ASXL1: variants seen among roughly 807,000 people sequenced by gnomAD.
ASXL1 encodes the protein polycomb group protein ASXL1.
Under a neutral mutation model 89.1 loss-of-function variants are expected in ASXL1, and 65 were observed. That is an observed-to-expected ratio of 0.73 (90% CI 0.60 to 0.90). ASXL1 has a LOEUF of 0.90. ASXL1 is among the 40% of genes least tolerant of loss of function. The probability of loss-of-function intolerance (pLI) is 0.00; values close to 1 mark genes in which losing one functional copy is unlikely to be tolerated. For missense variants in ASXL1, 1,786 were observed against 1,942.9 expected (o/e 0.92, Z 1.52); for synonymous variants, 739 against 746.9 (o/e 0.99, Z 0.17).
At chr20:32,413,284 G>A (rs2049081096) in intron 4 of ASXL1, among the ~76,000 whole-genome samples, 2 of 152,162 alleles carry the variant, frequency 1.3e-5, no homozygotes, top group Non-Finnish European at 2.9e-5. Flanking sequence ...AGGTTGGTTA[G>A]GGGACTAACA....
In ASXL1 at chr20:32,427,987, A is replaced by G. The variant is rs2011378492; in HGVS notation, c.253-141A>G. The G allele has an allele frequency of 4.2e-5, 51 of 1,227,358 alleles. 2 individuals are homozygous for G. The South Asian group carries it at 6.4e-4, about 15-fold the overall frequency. 76.0% of individuals were successfully genotyped at this position (1,227,358 alleles called of 1,614,324 possible). A position where few individuals can be genotyped will look rare whatever the true frequency, so the allele number is the denominator to read the frequency against. ...ATATTTATGAAAAGAACTTGCTGAG[A>G]AAAAGGTCAGTTAGAAAGGGTTAGG... On this transcript the variant is annotated intron_variant, in intron 4 of 12. Coordinates refer to ENST00000375687, the MANE Select transcript of ASXL1 (RefSeq NM_015338.6).
Position 32,436,160 on chromosome 20 carries a change from G to C in ASXL1, c.3448G>C (p.Gly1150Arg), listed in dbSNP as rs374632491. 1.1e-5 allele frequency: 18 copies of C among 1,614,092 alleles called. No homozygotes were observed. In the East Asian group the frequency reaches 3.3e-4, roughly 30 times the overall value. ...CCAGAGCCATGGCTCGCTACGCATG[G>C]GATCTTTACATGGTCTTGGAAAAAA... ...KDQSHGSLRM[G>R]SLHGLGKNSG... Residue 1150 changes from glycine to arginine, a missense_variant, in exon 13 of 13, where the codon GGA becomes CGA. Physicochemically the swap from Gly to Arg is moderately radical, Grantham distance 125. Coordinates refer to ENST00000375687, the MANE Select transcript of ASXL1 (RefSeq NM_015338.6).
intron 4 of ASXL1, among the ~76,000 whole-genome samples, chr20:32,401,351 A>G (rs1443318201): frequency 6.6e-6 from 1 of 152,122 alleles, no homozygotes; most frequent in Non-Finnish European, 1.5e-5. Flanking sequence ...TCCACCACCA[A>G]TCAACCAACC....
intron 3 of ASXL1, among the ~76,000 whole-genome samples, chr20:32,368,079 A>G (rs1358663746): frequency 1.3e-5 from 2 of 152,208 alleles, no homozygotes; most frequent in Admixed American, 1.3e-4. Flanking sequence ...TTAACACTGC[A>G]TAAATTAGGG....
rs1196912530 is a variant in ASXL1 at position 32,368,881 on chromosome 20, G to A, written c.144-134G>A. The stretch of plus-strand genomic sequence containing the variant: ...GTTATTCTTTTACTATTTTCACAGT[G>A]AAATTGTCATGAGATTTTTTCTTCT... On this transcript the variant is annotated intron_variant, in intron 3 of 12. Transcript: ENST00000375687. 1.1e-5 allele frequency: 7 copies of A among 660,170 alleles called. No homozygotes were observed. In the East Asian group the frequency reaches 1.9e-4, roughly 18 times the overall value. The allele number at this position is 660,170 out of a possible 1,614,324, so 40.9% of individuals were successfully genotyped here. A position where few individuals can be genotyped will look rare whatever the true frequency, so the allele number is the denominator to read the frequency against.
At chr20:32,363,410 T>G (rs980886439) in intron 1 of ASXL1, among the ~76,000 whole-genome samples, 2 of 152,214 alleles carry the variant, frequency 1.3e-5, no homozygotes, top group Non-Finnish European at 2.9e-5. Context: ...GGCACTTAGG[T>G]TCTTGGAATA....
At chr20:32,384,180 C>T (rs1191330243) in intron 4 of ASXL1, among the ~76,000 whole-genome samples, 1 of 141,668 alleles carries the variant, frequency 7.1e-6, no homozygotes, top group Non-Finnish European at 1.5e-5. Context: ...TTGCTTTGGT[C>T]AATTGTAGCA....
chr20:32,402,297 C>T (rs1459153129), intron 4 of ASXL1, among the ~76,000 whole-genome samples: 2 of 152,188 alleles, frequency 1.3e-5, no homozygotes, highest in Non-Finnish European at 2.9e-5. Flanking sequence ...TCAATCTATC[C>T]TCCTGCCTCA....
rs150338765 is a variant in ASXL1, at chr20:32,435,488, G to A, written c.2776G>A (p.Val926Ile). ...ACACATACCATCTGTTGAGCCCCAG[G>A]TTGGAGAGGAGTGGGAGAAAGCTGC... ...REHIPSVEPQ[V>I]GEEWEKAAPT... The change falls in exon 13 of 13, where the codon GTT becomes ATT. Residue 926 changes from valine (V) to isoleucine (I), a missense_variant. This residue lies in a region of ASXL1 where 1,418 missense variants were observed against 1,427.8 expected (regional missense o/e 0.99). Coordinates refer to ENST00000375687, the MANE Select transcript of ASXL1 (RefSeq NM_015338.6). 6.2e-7 allele frequency: 1 copy of A among 1,613,938 alleles called. No homozygotes were observed. The highest frequency in any genetic ancestry group is 1.3e-5 in the African/African-American group (1 of 74,926).
At chr20:32,391,691 G>A (rs2048674269) in intron 4 of ASXL1, among the ~76,000 whole-genome samples, 1 of 152,150 alleles carries the variant, frequency 6.6e-6, no homozygotes, top group Non-Finnish European at 1.5e-5. Flanking sequence ...GTCTGGCTAT[G>A]TTTCCCAGGC....
At chr20:32,359,542 C>A in intron 1 of ASXL1, 2 of 647,886 alleles carry the variant, frequency 3.1e-6, no homozygotes, top group Non-Finnish European at 5.6e-6. Flanking sequence ...CGCAGTGGCT[C>A]ACGGACCCCA....
chr20:32,403,117 C>T (rs1347252606), intron 4 of ASXL1, among the ~76,000 whole-genome samples: 1 of 152,012 alleles, frequency 6.6e-6, no homozygotes, highest in Admixed American at 6.6e-5. Context: ...TTTTGGGGGA[C>T]CAATTATTCC....
At position 32,429,518 on chromosome 20, in the gene ASXL1, G is replaced by A. The variant is rs1457991383; in HGVS notation, c.565+87G>A. ...TGTCAGCAGTTTCTGACCTAATAGTGCGATACTAGGAGAGCTGTCGGGCCA... is the reference window on the plus strand; with the variant it reads ...TGTCAGCAGTTTCTGACCTAATAGTACGATACTAGGAGAGCTGTCGGGCCA... On this transcript the variant is annotated intron_variant, in intron 7 of 12. Transcript: ENST00000375687. This position sits in a 1 kb window ranked among gnomAD's most constrained non-coding sequence, Gnocchi z 4.9. The A allele has an allele frequency of 7.3e-7, 1 of 1,361,850 alleles. No homozygotes were observed. Among genetic ancestry groups the A allele is most frequent in the Non-Finnish European group, 1.0e-6 (1 of 954,744 alleles). The allele number at this position is 1,361,850 out of a possible 1,614,324, so 84.4% of individuals were successfully genotyped here. A position where few individuals can be genotyped will look rare whatever the true frequency, so the allele number is the denominator to read the frequency against.
intron 4 of ASXL1, among the ~76,000 whole-genome samples, chr20:32,397,399 CTTTT>C (rs1199602381): frequency 1.0e-5 from 1 of 96,652 alleles, no homozygotes; most frequent in South Asian, 4.2e-4. Context: ...CACTCCTGGC[CTTTT>C]TTTTTTTTTT....
chr20:32,370,384 T>C (rs183879176), intron 4 of ASXL1, among the ~76,000 whole-genome samples: 222 of 151,764 alleles, frequency 1.5e-3, no homozygotes, highest in Non-Finnish European at 1.5e-3. Flanking sequence ...AAAGCAGCCA[T>C]ACCCAAATGA....
At chr20:32,432,373 T>G in intron 10 of ASXL1, 1 of 180,544 alleles carries the variant, frequency 5.5e-6, no homozygotes, top group Non-Finnish European at 1.2e-5. Context: ...GCCCAGGGTT[T>G]TTATCAAGGG....
At chr20:32,385,852 G>GA (rs1369973612) in intron 4 of ASXL1, among the ~76,000 whole-genome samples, 1 of 152,108 alleles carries the variant, frequency 6.6e-6, no homozygotes, top group Admixed American at 6.5e-5. Context: ...GGCAGTTGCA[G>GA]AAAAATCCAA....
intron 4 of ASXL1, among the ~76,000 whole-genome samples, chr20:32,383,881 G>GGCTCCACCATCACTGTCTGAC (rs1221165229): frequency 6.6e-6 from 1 of 152,026 alleles, no homozygotes; most frequent in Non-Finnish European, 1.5e-5. Context: ...ATCTCTCGTG[G>GGCTCCACCATCACTGTCTGAC]GCTCCACCAT....
intron 2 of ASXL1, among the ~76,000 whole-genome samples, chr20:32,367,034 G>A (rs1357250316): frequency 2.0e-5 from 3 of 150,640 alleles, no homozygotes; most frequent in Non-Finnish European, 4.4e-5. Flanking sequence ...TGAAAGCCAG[G>A]ACTATCTTTC....
Sources: gnomAD v4.1 joint callset for allele counts (sites outside exome capture counted in the v4.1 genomes callset) on GRCh38, gnomAD v4.1.1 for gene constraint, gnomAD v4.1.1 regional missense constraint, Gnocchi (gnomAD v3.1) non-coding constraint, MANE v1.5 for transcripts, NCBI Gene and HGNC (gene_info 2026-07-23, HGNC 2026-07-21) for gene names.